Variants in SORCS3 observed in about 807,000 individuals in gnomAD.
SORCS3 encodes sortilin related VPS10 domain containing receptor 3.
A neutral mutation model predicts 146.3 loss-of-function variants in SORCS3; 57 were observed. That is an observed-to-expected ratio of 0.39 (90% confidence interval 0.31 to 0.49). SORCS3 has a LOEUF of 0.49. SORCS3 is among the 20% of genes least tolerant of loss of function. SORCS3 has a pLI of 0.92. For missense variants in SORCS3, 1,341 were observed against 1,575.5 expected (o/e 0.85, Z 2.52); for synonymous variants, 653 against 618.5 (o/e 1.06, Z -0.83).
chr10:104,762,386 G>C (rs1360282419), intron 1 of SORCS3, among the ~76,000 whole-genome samples: 1 of 152,214 alleles, frequency 6.6e-6, no homozygotes, highest in Non-Finnish European at 1.5e-5. Flanking sequence ...GCAGAGCTGG[G>C]AAGCAGGAAA....
chr10:104,997,915 T>C (rs529716536), intron 4 of SORCS3, among the ~76,000 whole-genome samples: 2 of 152,306 alleles, frequency 1.3e-5, no homozygotes, highest in South Asian at 4.1e-4. Flanking sequence ...CATATGGTGC[T>C]ATTGGAACCT....
intron 1 of SORCS3, among the ~76,000 whole-genome samples, chr10:104,735,524 A>G (rs1023362713): frequency 1.5e-5 from 2 of 131,040 alleles, no homozygotes; most frequent in Non-Finnish European, 3.1e-5. Context: ...TTGCTCCCCA[A>G]TCCCCTCTGC....
At chr10:104,728,051 CTAT>C (rs2016661949) in intron 1 of SORCS3, among the ~76,000 whole-genome samples, 1 of 151,822 alleles carries the variant, frequency 6.6e-6, no homozygotes, top group Non-Finnish European at 1.5e-5. Flanking sequence ...ATCTATCTAT[CTAT>C]CTATCTATCT....
Position 104,928,583 on chromosome 10 carries a change from C to T in SORCS3, c.795+12651C>T, listed in dbSNP as rs145367576. On this transcript the variant is annotated intron_variant, in intron 3 of 26. Transcript: ENST00000369701. ...ATTGCTACTGGCATGCATGCCTCCT[C>T]GCCCCCAGTTCGTGCCCCCATTACC... Among the ~76,000 whole-genome samples, 20 of 152,076 alleles carry T rather than the reference C, an allele frequency of 1.3e-4. No individual in the cohort carries two copies. The South Asian group carries it at 2.7e-3, about 21-fold the overall frequency.
intron 1 of SORCS3, among the ~76,000 whole-genome samples, chr10:104,664,160 A>G (rs971902789): frequency 6.6e-6 from 1 of 152,168 alleles, no homozygotes; most frequent in Non-Finnish European, 1.5e-5. Flanking sequence ...TCTTGGGGTG[A>G]CGTTGCATTA....
In SORCS3 at chr10:105,217,132, A is replaced by C; in HGVS notation, c.2734+10A>C. ...TTCCTGCATGTGGTTTGTAAGTAGG[A>C]GGCACCATCCCCGTTTTCCCTTTGT... is the stretch of plus-strand genomic sequence containing the variant. On this transcript the variant is annotated intron_variant, in intron 19 of 26. Transcript: ENST00000369701. 1 of 1,612,788 alleles carries C rather than the reference A, an allele frequency of 6.2e-7. No individual in the cohort carries two copies. The highest frequency in any genetic ancestry group is 1.3e-5 in the African/African-American group (1 of 75,004).
At chr10:105,245,000 C>T (rs956289384) in intron 20 of SORCS3, among the ~76,000 whole-genome samples, 1 of 140,082 alleles carries the variant, frequency 7.1e-6, no homozygotes, top group Non-Finnish European at 1.5e-5. Flanking sequence ...ACCCAGGAGG[C>T]GGAGGTTGCA....
At chr10:105,231,311 A>G (rs1446148241) in intron 20 of SORCS3, among the ~76,000 whole-genome samples, 3 of 152,200 alleles carry the variant, frequency 2.0e-5, no homozygotes, top group East Asian at 3.9e-4. Flanking sequence ...TTCAAATCAC[A>G]CTTGTTCATT....
At chr10:104,854,059 G>C (rs1449859632) in intron 2 of SORCS3, among the ~76,000 whole-genome samples, 4 of 152,126 alleles carry the variant, frequency 2.6e-5, no homozygotes, top group Admixed American at 6.5e-5. Context: ...CTTGCCCCTT[G>C]CTGTCTCCCC....
At chr10:104,701,218 C>G (rs1036801808) in intron 1 of SORCS3, among the ~76,000 whole-genome samples, 7 of 152,160 alleles carry the variant, frequency 4.6e-5, no homozygotes, top group Non-Finnish European at 8.8e-5. Flanking sequence ...AATCTCATAG[C>G]AAGTGCAGTT....
At chr10:105,188,268 G>C (rs1182060801) in intron 14 of SORCS3, among the ~76,000 whole-genome samples, 1 of 152,038 alleles carries the variant, frequency 6.6e-6, no homozygotes, top group African/African-American at 2.4e-5. Flanking sequence ...AATTTTTCAT[G>C]ATGAGAGTGC....
At position 105,263,471 on chromosome 10, in the gene SORCS3, T is replaced by G. The variant is rs1337714235; in HGVS notation, c.*97T>G. The G allele has an allele frequency of 1.7e-5, 21 of 1,257,154 alleles. No homozygotes were observed. The South Asian group carries it at 2.2e-4, about 13-fold the overall frequency. 77.9% of individuals were successfully genotyped at this position (1,257,154 alleles called of 1,614,324 possible). ...GAAAAATTAAAATGTCTTTTTTACC[T>G]TTTGTTTACCAAGGGCCCCTTCATA... On this transcript the variant is annotated 3_prime_UTR_variant, in exon 27 of 27. Coordinates refer to ENST00000369701, the MANE Select transcript of SORCS3 (RefSeq NM_014978.3).
intron 14 of SORCS3, among the ~76,000 whole-genome samples, chr10:105,194,093 C>T (rs901183151): frequency 3.3e-5 from 5 of 152,028 alleles, no homozygotes; most frequent in Admixed American, 2.0e-4. Context: ...TTATTTTGTT[C>T]CTGTGGTTGG....
chr10:105,201,075 C>T (rs2119616341), intron 15 of SORCS3, 45 bp from the exon 16 acceptor site: 2 of 1,597,578 alleles, frequency 1.3e-6, no homozygotes. Flanking sequence ...TATTTCACCA[C>T]CTTTTTGTTT....
In SORCS3 at chr10:104,641,901, G is replaced by T. The variant is rs767055535; in HGVS notation, c.574G>T (p.Gly192Trp). ...GCCCAGCACCTCCTTCGCGCTGACC[G>T]GGGACTCGGCCCACAACCAAGCCAT... ...RLPSTSFALT[G>W]DSAHNQAMVH... The change falls in exon 1 of 27, where the codon GGG (glycine) becomes TGG (tryptophan). Residue 192 changes from glycine (G) to tryptophan (W), a missense_variant. Transcript: ENST00000369701. The surrounding 1 kb of genome is among the most constrained non-coding windows in gnomAD (Gnocchi z 6.4). 1 of 1,597,364 alleles carries T rather than the reference G, an allele frequency of 6.3e-7. No individual in the cohort carries two copies. The highest frequency in any genetic ancestry group is 2.3e-5 in the East Asian group (1 of 44,442).
chr10:105,124,885 C>G (rs962399191), intron 7 of SORCS3, among the ~76,000 whole-genome samples: 1 of 152,140 alleles, frequency 6.6e-6, no homozygotes, highest in African/African-American at 2.4e-5. Context: ...AACAGAAAGT[C>G]GGCTGTACCC....
chr10:104,991,764 G>C lies in SORCS3; in HGVS notation c.954+14271G>C, dbSNP rs146833961. On this transcript the variant is annotated intron_variant, in intron 4 of 26. Coordinates refer to ENST00000369701, the MANE Select transcript of SORCS3 (RefSeq NM_014978.3). ...TCCGCCCACCTTGGCCTCCCAAAGT[G>C]CTGGGATTATAGGCGTGAGCCACTG... 7.2e-3 allele frequency among the ~76,000 whole-genome samples: 1,094 copies of C among 152,280 alleles called. 17 individuals carry two copies. Among genetic ancestry groups the C allele is most frequent in the African/African-American group, 0.025 (1,040 of 41,568 alleles).
chr10:105,093,859 C>G (rs529331037), intron 6 of SORCS3, among the ~76,000 whole-genome samples: 5 of 152,164 alleles, frequency 3.3e-5, no homozygotes, highest in South Asian at 2.1e-4. Context: ...CATCTTATAA[C>G]CCAGCAATCC....
chr10:104,901,498 G>A (rs929865850), intron 2 of SORCS3, among the ~76,000 whole-genome samples: 8 of 152,182 alleles, frequency 5.3e-5, no homozygotes, highest in African/African-American at 1.7e-4. Context: ...ATCAGGGAGT[G>A]TGCACTGGAG....
Sources: gnomAD v4.1 joint callset for allele counts (sites outside exome capture counted in the v4.1 genomes callset) on GRCh38, gnomAD v4.1.1 for gene constraint, Gnocchi (gnomAD v3.1) non-coding constraint, MANE v1.5 for transcripts, NCBI Gene and HGNC (gene_info 2026-07-23, HGNC 2026-07-21) for gene names.